OSER1: variants seen among roughly 807,000 people sequenced by gnomAD.
The protein encoded by OSER1 is oxidative stress responsive serine rich 1, also known as oxidative stress-responsive serine-rich protein 1.
In OSER1, 15 loss-of-function variants were observed where a neutral mutation model predicts 26.3. The ratio of observed to expected loss-of-function variants is 0.57; its 90% confidence interval spans 0.38 to 0.88. OSER1 has a LOEUF of 0.88. Ranked by LOEUF, OSER1 falls within the 40% of genes least tolerant of loss-of-function variation. The pLI is 0.00. For missense variants in OSER1, 313 were observed against 353.9 expected (o/e 0.88, Z 0.93); for synonymous variants, 127 against 128.2 (o/e 0.99, Z 0.07).
chr20:44,200,227 C>T (rs763177526), intron 3 of OSER1, among the ~76,000 whole-genome samples: 18 of 152,236 alleles, frequency 1.2e-4, no homozygotes, highest in Non-Finnish European at 2.4e-4. Flanking sequence ...ATGCTGGGAT[C>T]TCTGGAGGAG....
At chr20:44,203,929 G>C (rs987439743) in intron 2 of OSER1, among the ~76,000 whole-genome samples, 5 of 152,064 alleles carry the variant, frequency 3.3e-5, no homozygotes, top group African/African-American at 1.2e-4. Context: ...GAAATTATTA[G>C]AAATTAAGTG....
At chr20:44,202,531 A>G (rs1057168322) in intron 3 of OSER1, among the ~76,000 whole-genome samples, 6 of 152,256 alleles carry the variant, frequency 3.9e-5, no homozygotes, top group Admixed American at 2.6e-4. Flanking sequence ...CCTATGCTAT[A>G]TAAATCCAAC....
rs756966247 is a variant in OSER1 at position 44,197,030 on chromosome 20, C to A, written c.*22G>T. 1.9e-6 allele frequency: 3 copies of A among 1,541,204 alleles called. No homozygotes were observed. In the South Asian group the frequency reaches 3.4e-5, roughly 17 times the overall value. On this transcript the variant is annotated 3_prime_UTR_variant, in exon 4 of 4. Transcript: ENST00000255174. ...TTGACAAGCCTTCATTGGTTTAAAGCATATGAATTAGCTTCTTGCTATCAG... is the reference window on the plus strand; with the variant it reads ...TTGACAAGCCTTCATTGGTTTAAAGAATATGAATTAGCTTCTTGCTATCAG...
At chr20:44,205,939 CAAAAAAAAA>C (rs3037684) in intron 2 of OSER1, among the ~76,000 whole-genome samples, 2 of 71,716 alleles carry the variant, frequency 2.8e-5, no homozygotes, top group South Asian at 5.0e-4. Flanking sequence ...GAATCCGTCT[CAAAAAAAAA>C]AAAAAAAAAA....
At chr20:44,208,503 T>C (rs1309165914) in intron 1 of OSER1, among the ~76,000 whole-genome samples, 1 of 151,658 alleles carries the variant, frequency 6.6e-6, no homozygotes, top group Non-Finnish European at 1.5e-5. Flanking sequence ...TCTCGACGTA[T>C]ATTTTGCTGG....
At chr20:44,205,083 C>A (rs922337404) in intron 2 of OSER1, among the ~76,000 whole-genome samples, 2 of 152,172 alleles carry the variant, frequency 1.3e-5, no homozygotes, top group African/African-American at 4.8e-5. Flanking sequence ...GATGTGCTCA[C>A]CTTGGCCTCC....
chr20:44,204,287 T>C (rs1465272502), intron 2 of OSER1, among the ~76,000 whole-genome samples: 1 of 152,182 alleles, frequency 6.6e-6, no homozygotes, highest in Non-Finnish European at 1.5e-5. Flanking sequence ...CCTGGTTAGT[T>C]TATGAGTCAA....
rs991678555 is a variant in OSER1, at chr20:44,196,125, A to AT, written c.*926dup. ...ATCATCCAGCTGAAACCGAAGACAG[A>AT]TTTTTTTTTTACCAAACTGGAGGGA... On this transcript the variant is annotated 3_prime_UTR_variant, in exon 4 of 4. Coordinates refer to ENST00000255174, the MANE Select transcript of OSER1 (RefSeq NM_016470.8). Among the ~76,000 whole-genome samples the AT allele has an allele frequency of 6.7e-4, 101 of 149,886 alleles. No individual in the cohort carries two copies. The highest frequency in any genetic ancestry group is 2.1e-3 in the East Asian group (11 of 5,132).
Position 44,196,445 on chromosome 20 carries a change from A to C in OSER1, c.*607T>G, listed in dbSNP as rs1312853990. On this transcript the variant is annotated 3_prime_UTR_variant, in exon 4 of 4. Coordinates refer to ENST00000255174, the MANE Select transcript of OSER1 (RefSeq NM_016470.8). ...CTGCATGTAACATGTCTTAGGATGA[A>C]TAGCACCAGCAGGGGCTTATTTAGT... is the stretch of plus-strand genomic sequence containing the variant. The C allele has an allele frequency of 6.6e-6, 1 of 152,366 alleles. No individual in the cohort carries two copies. The highest frequency in any genetic ancestry group is 6.5e-5 in the Admixed American group (1 of 15,302). 9.4% of individuals were successfully genotyped at this position (152,366 alleles called of 1,614,324 possible).
chr20:44,205,782 T>C (rs1402062702), intron 2 of OSER1, among the ~76,000 whole-genome samples: 2 of 151,772 alleles, frequency 1.3e-5, no homozygotes, highest in Non-Finnish European at 2.9e-5. Context: ...CTACTAAAAA[T>C]ACAAAAAATC....
chr20:44,202,879 A>C (rs1251402383), intron 3 of OSER1, 82 bp downstream of exon 3: 3 of 752,174 alleles, frequency 4.0e-6, no homozygotes, highest in Non-Finnish European at 6.9e-6. Context: ...TCATAACCTA[A>C]CTCTTTTCTG....
At chr20:44,205,940 A>T (rs1452706132) in intron 2 of OSER1, among the ~76,000 whole-genome samples, 1 of 36,854 alleles carries the variant, frequency 2.7e-5, no homozygotes, top group Non-Finnish European at 5.0e-5. Context: ...AATCCGTCTC[A>T]AAAAAAAAAA....
Position 44,197,421 on chromosome 20 carries a change from G to A in OSER1, c.510C>T (p.Thr170=), listed in dbSNP as rs890074923. 6.2e-7 allele frequency: 1 copy of A among 1,614,082 alleles called. No homozygotes were observed. The highest frequency in any genetic ancestry group is 8.5e-7 in the Non-Finnish European group (1 of 1,180,020). The change falls in exon 4 of 4, where the codon ACC becomes ACT. Residue 170 remains threonine (T), a synonymous_variant. Transcript: ENST00000255174. ...CTTTGAGACTTGCTTGGGGGACTTG[G>A]GTAGCGTCAGAGGAGTCTTCCTTCT... The part of the protein sequence containing the change: ...ESKKEDSSDA[T]QVPQASLKAS...
chr20:44,202,457 T>C (rs2072993120), intron 3 of OSER1, among the ~76,000 whole-genome samples: 1 of 152,086 alleles, frequency 6.6e-6, no homozygotes, highest in Admixed American at 6.5e-5. Flanking sequence ...AAAGCCATTA[T>C]GAGGGATTAA....
At chr20:44,200,680 A>C (rs7270729) in intron 3 of OSER1, among the ~76,000 whole-genome samples, 32,368 of 152,140 alleles carry the variant, frequency 0.21, 4,331 homozygotes, top group East Asian at 0.41. Context: ...ATAATGACCA[A>C]GAAATTTTCT....
Position 44,196,674 on chromosome 20 carries a change from T to C in OSER1, c.*378A>G, listed in dbSNP as rs542042475. ...CAACTACAGCATGACAAATGTTTAG[T>C]GCAGTTACAAAATCACATTTTACTT... On this transcript the variant is annotated 3_prime_UTR_variant, in exon 4 of 4. Coordinates refer to ENST00000255174, the MANE Select transcript of OSER1 (RefSeq NM_016470.8). 115 of 187,838 alleles carry C rather than the reference T, an allele frequency of 6.1e-4. 3 individuals carry two copies. The South Asian group carries it at 0.013, about 22-fold the overall frequency. The allele number at this position is 187,838 out of a possible 1,614,324, so 11.6% of individuals were successfully genotyped here.
intron 2 of OSER1, among the ~76,000 whole-genome samples, 180 bp downstream of exon 2, chr20:44,206,701 G>A (rs1465724701): frequency 6.6e-6 from 1 of 152,150 alleles, no homozygotes; most frequent in Non-Finnish European, 1.5e-5. Context: ...TTTAACCAAA[G>A]GGTTTTCTTT....
intron 3 of OSER1, among the ~76,000 whole-genome samples, chr20:44,202,703 C>T (rs2072995713): frequency 6.6e-6 from 1 of 152,088 alleles, no homozygotes; most frequent in Admixed American, 6.5e-5. Context: ...AAAAGCCTGA[C>T]TTAATGGACA....
At chr20:44,198,987 C>T (rs1165534697) in intron 3 of OSER1, among the ~76,000 whole-genome samples, 2 of 152,216 alleles carry the variant, frequency 1.3e-5, no homozygotes, top group Non-Finnish European at 2.9e-5. Flanking sequence ...ACCCATTAGT[C>T]ATTTAGTAGC....
Sources: allele counts gnomAD v4.1 joint callset (sites outside exome capture counted in the v4.1 genomes callset), GRCh38; gene constraint gnomAD v4.1.1; transcripts MANE v1.5; gene names NCBI Gene and HGNC (gene_info 2026-07-23, HGNC 2026-07-21).